BMPR1B: variants seen among roughly 807,000 people sequenced by gnomAD.
BMPR1B encodes bone morphogenetic protein receptor type-1B.
A neutral mutation model predicts 59.1 loss-of-function variants in BMPR1B; 12 were observed. The observed-to-expected ratio is 0.20, with a 90% CI of 0.13 to 0.33. The LOEUF is 0.33. Ranked by LOEUF, BMPR1B falls within the 10% of genes least tolerant of loss-of-function variation. The pLI is 1.00. For missense variants in BMPR1B, 550 were observed against 610.9 expected (o/e 0.90, Z 1.05); for synonymous variants, 237 against 207.3 (o/e 1.14, Z -1.23).
Position 94,922,924 on chromosome 4 carries a change from T to G in BMPR1B, c.-113+47024T>G, listed in dbSNP as rs542198520. ...TCAACATTTCTTCTCTAGGTTGTAC[T>G]AAAATTTTCTCTTTATTTTGAGTTC... On this transcript the variant is annotated intron_variant, in intron 2 of 12. Transcript: ENST00000515059. Among the ~76,000 whole-genome samples, 28 of 152,274 alleles carry G rather than the reference T, an allele frequency of 1.8e-4. No homozygotes were observed. In the East Asian group the frequency reaches 5.0e-3, roughly 27 times the overall value.
At chr4:95,041,213 AT>A (rs371622008) in intron 3 of BMPR1B, among the ~76,000 whole-genome samples, 2 of 151,260 alleles carry the variant, frequency 1.3e-5, no homozygotes, top group Non-Finnish European at 3.0e-5. Context: ...CACCTGGCTA[AT>A]TTTTTTTTGT....
intron 3 of BMPR1B, among the ~76,000 whole-genome samples, chr4:95,092,829 T>G (rs917755091): frequency 6.6e-6 from 1 of 152,080 alleles, no homozygotes; most frequent in Non-Finnish European, 1.5e-5. Flanking sequence ...TTTTATACAC[T>G]AGGCTGTCTT....
At chr4:94,955,646 T>TTTTTTTTA (rs61389953) in intron 2 of BMPR1B, among the ~76,000 whole-genome samples, 1 of 151,700 alleles carries the variant, frequency 6.6e-6, no homozygotes, top group African/African-American at 2.4e-5. Context: ...TCTTTTTTTT[T>TTTTTTTTA]AAAGACAGAA....
At chr4:94,986,529 T>A (rs1368779294) in intron 2 of BMPR1B, among the ~76,000 whole-genome samples, 1 of 152,028 alleles carries the variant, frequency 6.6e-6, no homozygotes, top group Non-Finnish European at 1.5e-5. Flanking sequence ...GAAGTGAGAT[T>A]TTTCATTTTT....
intron 1 of BMPR1B, among the ~76,000 whole-genome samples, chr4:94,806,678 CCCTT>C (rs1193853429): frequency 6.6e-6 from 1 of 152,138 alleles, no homozygotes; most frequent in Non-Finnish European, 1.5e-5. Flanking sequence ...CTTTAATACT[CCCTT>C]CATTATGTTC....
chr4:94,950,077 C>T (rs1729872313), intron 2 of BMPR1B, among the ~76,000 whole-genome samples: 1 of 152,214 alleles, frequency 6.6e-6, no homozygotes. Flanking sequence ...TTGTTGGCCA[C>T]ATAAATGTCT....
intron 4 of BMPR1B, among the ~76,000 whole-genome samples, chr4:95,110,863 T>G (rs890806972): frequency 5.3e-5 from 8 of 151,244 alleles, no homozygotes; most frequent in Middle Eastern, 3.4e-3. Context: ...TGAGCAGCTT[T>G]CAGCTATTTT....
chr4:94,768,637 A>G (rs766157364), intron 1 of BMPR1B, among the ~76,000 whole-genome samples: 32 of 152,106 alleles, frequency 2.1e-4, no homozygotes, highest in Non-Finnish European at 4.4e-4. Flanking sequence ...TTCTTTACTA[A>G]CTCCATCATT....
intron 11 of BMPR1B, among the ~76,000 whole-genome samples, chr4:95,149,824 G>C (rs1294712049): frequency 6.6e-6 from 1 of 152,172 alleles, no homozygotes; most frequent in Non-Finnish European, 1.5e-5. Flanking sequence ...CTATTTATCT[G>C]TGATGCCTTG....
chr4:94,830,232 T>C (rs547714033), intron 1 of BMPR1B, among the ~76,000 whole-genome samples: 1 of 152,236 alleles, frequency 6.6e-6, no homozygotes, highest in South Asian at 2.1e-4. Flanking sequence ...GAAAAAACAT[T>C]AGAAATGTTA....
chr4:94,824,971 G>T (rs1050805148), intron 1 of BMPR1B, among the ~76,000 whole-genome samples: 1 of 152,154 alleles, frequency 6.6e-6, no homozygotes, highest in African/African-American at 2.4e-5. Context: ...AATGTTGGAT[G>T]CAAACAGAAA....
At chr4:94,780,138 C>T (rs1050239946) in intron 1 of BMPR1B, among the ~76,000 whole-genome samples, 3 of 152,076 alleles carry the variant, frequency 2.0e-5, no homozygotes, top group African/African-American at 7.2e-5. Context: ...TGCATGTGTT[C>T]ATTAATGAGA....
chr4:94,841,259 G>C lies in BMPR1B; in HGVS notation c.-182-34572G>C, dbSNP rs183913854. Among the ~76,000 whole-genome samples, 224 of 145,736 alleles carry C rather than the reference G, an allele frequency of 1.5e-3. 15 individuals carry two copies. Among genetic ancestry groups the C allele is most frequent in the African/African-American group, 5.2e-3 (201 of 38,916 alleles). ...CCCAGAGGTGGAGCCTACAGAGGCA[G>C]GCAGGCCTCCTTGAGCTGTGTGGGC... On this transcript the variant is annotated intron_variant, in intron 1 of 12. Transcript: ENST00000515059.
intron 2 of BMPR1B, among the ~76,000 whole-genome samples, chr4:94,974,779 TA>T (rs770977564): frequency 6.6e-6 from 1 of 152,198 alleles, no homozygotes; most frequent in Non-Finnish European, 1.5e-5. Flanking sequence ...GCAGGGAACA[TA>T]ATAAGCATTC....
At chr4:95,087,374 G>C (rs1443315888) in intron 3 of BMPR1B, among the ~76,000 whole-genome samples, 3 of 152,152 alleles carry the variant, frequency 2.0e-5, no homozygotes. Context: ...ATGTGTGTGT[G>C]TGTGTGTTTA....
intron 2 of BMPR1B, among the ~76,000 whole-genome samples, chr4:94,931,832 G>T (rs534020501): frequency 6.6e-6 from 1 of 152,090 alleles, no homozygotes; most frequent in Non-Finnish European, 1.5e-5. Context: ...GAGCCGTTCA[G>T]TCACCATGTG....
At chr4:94,820,156 C>A (rs1043499290) in intron 1 of BMPR1B, among the ~76,000 whole-genome samples, 2 of 152,104 alleles carry the variant, frequency 1.3e-5, no homozygotes, top group African/African-American at 4.8e-5. Flanking sequence ...CATCAAGACC[C>A]CCATTATGTA....
At chr4:94,889,037 A>T (rs1323357886) in intron 2 of BMPR1B, among the ~76,000 whole-genome samples, 1 of 151,862 alleles carries the variant, frequency 6.6e-6, no homozygotes, top group Non-Finnish European at 1.5e-5. Flanking sequence ...TCTTATTTTA[A>T]ATATATACTG....
intron 3 of BMPR1B, chr4:95,051,658 A>G: frequency 6.6e-7 from 1 of 1,524,684 alleles, no homozygotes; most frequent in South Asian, 1.2e-5. Flanking sequence ...AAGAAACAGG[A>G]GGCTTAAACA....
Sources: gnomAD v4.1 joint callset for allele counts (sites outside exome capture counted in the v4.1 genomes callset) on GRCh38, gnomAD v4.1.1 for gene constraint, MANE v1.5 for transcripts, NCBI Gene and HGNC (gene_info 2026-07-23, HGNC 2026-07-21) for gene names.